The following FHIT variants were observed in gnomAD, a reference collection of about 807,000 sequenced individuals.
FHIT encodes bis(5'-adenosyl)-triphosphatase.
A neutral mutation model predicts 17.9 loss-of-function variants in FHIT; 19 were observed. That is an observed-to-expected ratio of 1.06 (90% CI 0.74 to 1.56). FHIT has a LOEUF of 1.56. FHIT is among the 40% of genes most tolerant of loss of function. FHIT has a pLI of 0.00. For missense variants in FHIT, 248 were observed against 189.2 expected (o/e 1.31, Z -1.82); for synonymous variants, 81 against 69.7 (o/e 1.16, Z -0.81).
chr3:60,406,294 A>C (rs1414916342), intron 5 of FHIT, among the ~76,000 whole-genome samples: 1 of 152,240 alleles, frequency 6.6e-6, no homozygotes, highest in Admixed American at 6.5e-5. Flanking sequence ...TTATTCCATT[A>C]AGAATGCTTT....
chr3:60,538,730 C>A (rs192536054), intron 4 of FHIT, among the ~76,000 whole-genome samples: 34 of 152,300 alleles, frequency 2.2e-4, no homozygotes, highest in African/African-American at 7.0e-4. Flanking sequence ...GGAAAACTGG[C>A]TAGCCCTATG....
intron 4 of FHIT, among the ~76,000 whole-genome samples, chr3:60,629,082 G>A (rs1225486785): frequency 6.6e-6 from 1 of 152,128 alleles, no homozygotes; most frequent in Non-Finnish European, 1.5e-5. Context: ...GTGGAAGAAG[G>A]TAATTCCTAA....
chr3:60,317,279 C>A (rs1333702964), intron 5 of FHIT, among the ~76,000 whole-genome samples: 5 of 151,800 alleles, frequency 3.3e-5, no homozygotes, highest in Non-Finnish European at 5.9e-5. Flanking sequence ...ATAACAAGTG[C>A]ATATATAACT....
chr3:60,158,393 C>A (rs1700798841), intron 5 of FHIT, among the ~76,000 whole-genome samples: 1 of 151,976 alleles, frequency 6.6e-6, no homozygotes, highest in Non-Finnish European at 1.5e-5. Context: ...TGCACTGCAA[C>A]CTCCGCTTCC....
chr3:60,111,253 T>C (rs946092338), intron 5 of FHIT, among the ~76,000 whole-genome samples: 2 of 152,190 alleles, frequency 1.3e-5, no homozygotes, highest in African/African-American at 2.4e-5. Flanking sequence ...AATTCACATA[T>C]ACCCGTATAT....
chr3:59,772,804 T>C (rs191156634), intron 8 of FHIT, among the ~76,000 whole-genome samples: 1 of 152,160 alleles, frequency 6.6e-6, no homozygotes, highest in African/African-American at 2.4e-5. Context: ...GCAACTAGCT[T>C]GTGCATCCAC....
chr3:60,652,634 CAGG>C (rs1236635147), intron 4 of FHIT, among the ~76,000 whole-genome samples: 1 of 145,132 alleles, frequency 6.9e-6, no homozygotes, highest in Non-Finnish European at 1.5e-5. Flanking sequence ...GAGGCTGAAG[CAGG>C]AGAATGGCGT....
At chr3:60,770,366 T>A (rs911748496) in intron 4 of FHIT, among the ~76,000 whole-genome samples, 1 of 152,204 alleles carries the variant, frequency 6.6e-6, no homozygotes, top group Non-Finnish European at 1.5e-5. Context: ...CTCTGGATAT[T>A]CTTGCTCATA....
chr3:60,243,040 G>T (rs1705213975), intron 5 of FHIT, among the ~76,000 whole-genome samples: 1 of 149,924 alleles, frequency 6.7e-6, no homozygotes, highest in East Asian at 2.0e-4. Context: ...TTATCAGTGT[G>T]ATGTCAATAT....
At chr3:59,803,791 A>T (rs1174307602) in intron 8 of FHIT, among the ~76,000 whole-genome samples, 1 of 152,130 alleles carries the variant, frequency 6.6e-6, no homozygotes, top group Non-Finnish European at 1.5e-5. Context: ...ATAAATCCCT[A>T]TTTGCTTCAG....
At chr3:61,066,633 C>A (rs529152527) in intron 2 of FHIT, among the ~76,000 whole-genome samples, 1 of 152,192 alleles carries the variant, frequency 6.6e-6, no homozygotes, top group South Asian at 2.1e-4. Context: ...CAAAAACAAA[C>A]AAACAAGAAA....
Position 60,714,215 on chromosome 3 carries a change from C to A in FHIT, c.-18+107704G>T, listed in dbSNP as rs192106198. Among the ~76,000 whole-genome samples, 964 of 152,178 alleles carry A rather than the reference C, an allele frequency of 6.3e-3. 9 individuals carry two copies. The highest frequency in any genetic ancestry group is 0.021 in the African/African-American group (858 of 41,538). On this transcript the variant is annotated intron_variant, in intron 4 of 9. Transcript: ENST00000492590. ...TTATCTCAATAGATGCAGAAAAGGCCTTTGACAAAATTCAACAACCCTTCA... is the reference window on the plus strand; with the variant it reads ...TTATCTCAATAGATGCAGAAAAGGCATTTGACAAAATTCAACAACCCTTCA...
chr3:60,410,902 G>A (rs886740578), intron 5 of FHIT, among the ~76,000 whole-genome samples: 1 of 152,044 alleles, frequency 6.6e-6, no homozygotes, highest in Admixed American at 6.6e-5. Context: ...GGAGTAATAA[G>A]ACAGAGAACT....
intron 5 of FHIT, among the ~76,000 whole-genome samples, chr3:60,247,038 A>ATGTATGG (rs1705432204): frequency 6.6e-6 from 1 of 152,114 alleles, no homozygotes; most frequent in Admixed American, 6.6e-5. Context: ...CATCACTAAG[A>ATGTATGG]GTGAACCCTA....
At chr3:59,819,979 G>A (rs1700732532) in intron 8 of FHIT, among the ~76,000 whole-genome samples, 2 of 152,192 alleles carry the variant, frequency 1.3e-5, no homozygotes. Context: ...ACAACAAGAA[G>A]ACTCCATGCC....
chr3:60,735,358 T>C (rs888507796), intron 4 of FHIT, among the ~76,000 whole-genome samples: 4 of 152,190 alleles, frequency 2.6e-5, no homozygotes, highest in Non-Finnish European at 4.4e-5. Flanking sequence ...CCAGATGGTG[T>C]AGATGGAGCT....
At chr3:60,100,550 G>A (rs138749513) in intron 5 of FHIT, among the ~76,000 whole-genome samples, 2 of 152,224 alleles carry the variant, frequency 1.3e-5, no homozygotes, top group East Asian at 3.9e-4. Flanking sequence ...AGGCAGAGGA[G>A]CCTTCGTCCC....
At chr3:60,169,058 T>C (rs539016935) in intron 5 of FHIT, among the ~76,000 whole-genome samples, 2 of 152,282 alleles carry the variant, frequency 1.3e-5, no homozygotes, top group South Asian at 4.1e-4. Context: ...TGACCTAGAT[T>C]GTCAAAGGAT....
chr3:61,225,472 A>G (rs969845451), intron 1 of FHIT, among the ~76,000 whole-genome samples: 14 of 152,342 alleles, frequency 9.2e-5, no homozygotes, highest in South Asian at 4.1e-4. Flanking sequence ...TGGTCATACC[A>G]AATTCAGAAC....
Sources: gnomAD v4.1 joint callset for allele counts (sites outside exome capture counted in the v4.1 genomes callset) on GRCh38, gnomAD v4.1.1 for gene constraint, MANE v1.5 for transcripts, NCBI Gene and HGNC (gene_info 2026-07-23, HGNC 2026-07-21) for gene names.